Variants in BLTP1 observed in about 807,000 individuals in gnomAD.
BLTP1 encodes fragile site-associated protein.
At chr4:122,177,308 TACTTCTCCCCAC>T in the BLTP1 span, among the ~76,000 whole-genome samples, 1 of 152,196 alleles carries the variant, frequency 6.6e-6, no homozygotes, top group South Asian at 2.1e-4. Context: ...AGAATCCAAC[TACTTCTCCCCAC>T]ACTGGCCCAA....
chr4:122,159,840 C>A, the BLTP1 span, among the ~76,000 whole-genome samples: 1 of 152,160 alleles, frequency 6.6e-6, no homozygotes, highest in South Asian at 2.1e-4. Context: ...TCTAAGATAC[C>A]AGACAATTTC....
chr4:122,356,488 T>C, the BLTP1 span: 3 of 910,410 alleles, frequency 3.3e-6, no homozygotes, highest in Non-Finnish European at 5.0e-6. Context: ...ATCATCATCC[T>C]GTAAATCACA....
At chr4:122,219,591 G>T in the BLTP1 span, 1 of 1,540,406 alleles carries the variant, frequency 6.5e-7, no homozygotes, top group Non-Finnish European at 9.0e-7. Context: ...CATGAAAGTA[G>T]TCTGGAATAT....
the BLTP1 span, chr4:122,175,877 G>A: frequency 1.3e-6 from 2 of 1,575,924 alleles, no homozygotes; most frequent in Non-Finnish European, 1.7e-6. Flanking sequence ...TCATTTTTCG[G>A]TGGTGGAAAA....
chr4:122,328,243 A>C, the BLTP1 span: 3 of 1,611,294 alleles, frequency 1.9e-6, no homozygotes, highest in Non-Finnish European at 2.5e-6. Flanking sequence ...ATTCCTTTCC[A>C]AACTGAAGAG....
chr4:122,353,820 G>A, the BLTP1 span: 1 of 1,608,522 alleles, frequency 6.2e-7, no homozygotes, highest in Non-Finnish European at 8.5e-7. This position sits in a 1 kb window ranked among gnomAD's most constrained non-coding sequence, Gnocchi z 4.3. Context: ...GTAGGCTCCA[G>A]TGATCATTCT....
the BLTP1 span, chr4:122,187,838 A>T: frequency 6.6e-7 from 1 of 1,503,954 alleles, no homozygotes; most frequent in Non-Finnish European, 8.8e-7. Context: ...AAAGAAAGAA[A>T]TATGGCCAGA....
At chr4:122,172,489 T>C in the BLTP1 span, 10 of 245,156 alleles carry the variant, frequency 4.1e-5, 1 homozygote, top group South Asian at 7.5e-4. Context: ...TCATAACTTA[T>C]TGTCTTACCC....
chr4:122,215,496 G>T, the BLTP1 span: 1 of 985,228 alleles, frequency 1.0e-6, no homozygotes, highest in Non-Finnish European at 1.2e-6. Context: ...TGGGGAGAAG[G>T]TGGGACAGAG....
chr4:122,258,894 C>G, the BLTP1 span: 1 of 1,175,384 alleles, frequency 8.5e-7, no homozygotes, highest in Non-Finnish European at 1.2e-6. Flanking sequence ...CAGAGAAAAC[C>G]TAAAATTTTA....
chr4:122,262,750 T>C, the BLTP1 span: 1 of 1,558,504 alleles, frequency 6.4e-7, no homozygotes, highest in South Asian at 1.2e-5. Context: ...AACCCTAAGT[T>C]ACACTTTCTG....
the BLTP1 span, chr4:122,307,842 T>G: frequency 8.6e-6 from 13 of 1,513,070 alleles, no homozygotes; most frequent in South Asian, 1.4e-5. Flanking sequence ...TTTCTGGGTG[T>G]AATTTTTATT....
At chr4:122,294,084 A>G in the BLTP1 span, among the ~76,000 whole-genome samples, 2 of 152,088 alleles carry the variant, frequency 1.3e-5, no homozygotes, top group Non-Finnish European at 2.9e-5. Flanking sequence ...AACTCCAACC[A>G]GAGTTATACA....
the BLTP1 span, among the ~76,000 whole-genome samples, chr4:122,275,400 C>T: frequency 6.6e-6 from 1 of 152,070 alleles, no homozygotes; most frequent in South Asian, 2.1e-4. Flanking sequence ...TGAATCTATA[C>T]TCTTTCGACC....
chr4:122,211,122 A>G, the BLTP1 span: 1 of 1,563,538 alleles, frequency 6.4e-7, no homozygotes, highest in Non-Finnish European at 8.7e-7. Context: ...CAACTTACAT[A>G]CTTTTAAATA....
the BLTP1 span, chr4:122,172,058 A>G: frequency 5.0e-6 from 3 of 605,248 alleles, no homozygotes; most frequent in East Asian, 1.4e-4. Flanking sequence ...TCATCAAAAT[A>G]ACTTTACAAA....
chr4:122,261,810 T>C, the BLTP1 span: 1 of 984,006 alleles, frequency 1.0e-6, no homozygotes, highest in African/African-American at 1.7e-5. Flanking sequence ...ATCAAGTGTT[T>C]AATACGTTGT....
At chr4:122,356,197 A>G in the BLTP1 span, among the ~76,000 whole-genome samples, 2 of 152,230 alleles carry the variant, frequency 1.3e-5, no homozygotes, top group African/African-American at 2.4e-5. Flanking sequence ...ATGAAGAAGA[A>G]TAATTGGACT....
chr4:122,269,751 C>G, the BLTP1 span: 3 of 886,498 alleles, frequency 3.4e-6, no homozygotes, highest in Non-Finnish European at 4.1e-6. Flanking sequence ...AGTTACTAAA[C>G]ATTTAGCATT....
Sources: gnomAD v4.1 joint callset for allele counts (sites outside exome capture counted in the v4.1 genomes callset) on GRCh38, gnomAD v4.1.1 for gene constraint, Gnocchi (gnomAD v3.1) non-coding constraint, MANE v1.5 for transcripts, NCBI Gene and HGNC (gene_info 2026-07-23, HGNC 2026-07-21) for gene names.